The following PPIG variants were observed in gnomAD, a reference collection of about 807,000 sequenced individuals.
PPIG encodes the protein peptidylprolyl isomerase G.
In PPIG, 26 loss-of-function variants were observed where a neutral mutation model predicts 87.9. The ratio of observed to expected loss-of-function variants is 0.30; its 90% CI spans 0.22 to 0.41. PPIG has a LOEUF of 0.41. PPIG is among the 10% of genes least tolerant of loss of function. The probability of loss-of-function intolerance (pLI) is 1.00; values close to 1 mark genes in which losing one functional copy is unlikely to be tolerated. For synonymous variants in PPIG, 308 were observed against 276.5 expected (o/e 1.11, Z -1.13); for missense variants, 722 against 879.4 (o/e 0.82, Z 2.26).
intron 9 of PPIG, among the ~76,000 whole-genome samples, chr2:169,623,513 C>T (rs79836666): frequency 0.044 from 6,698 of 152,114 alleles, 212 homozygotes; most frequent in East Asian, 0.18. Context: ...GGCAACATGG[C>T]GGTAAGTAGT....
chr2:169,636,327 A>G, intron 13 of PPIG, 86 bp from the exon 14 acceptor site: 1 of 1,470,086 alleles, frequency 6.8e-7, no homozygotes, highest in East Asian at 2.3e-5. Context: ...TGAATACCTT[A>G]AGAAAAGTAG....
chr2:169,615,268 C>T (rs887451605), intron 9 of PPIG, among the ~76,000 whole-genome samples: 1 of 152,142 alleles, frequency 6.6e-6, no homozygotes, highest in African/African-American at 2.4e-5. Context: ...AGGCTGGTCT[C>T]GAACTCCTGA....
intron 7 of PPIG, among the ~76,000 whole-genome samples, chr2:169,613,689 A>C (rs1685546970): frequency 6.6e-6 from 1 of 152,152 alleles, no homozygotes; most frequent in Non-Finnish European, 1.5e-5. Flanking sequence ...AGCACTTTGA[A>C]AGGTCAAAGT....
chr2:169,587,056 C>T (rs1421842531), intron 1 of PPIG, among the ~76,000 whole-genome samples: 3 of 152,036 alleles, frequency 2.0e-5, no homozygotes, highest in African/African-American at 4.8e-5. Flanking sequence ...GCCTCAGCCT[C>T]CCTAGTAGCT....
At position 169,631,752 on chromosome 2, in the gene PPIG, T is replaced by C; in HGVS notation, c.762-14T>C. The stretch of plus-strand genomic sequence containing the variant: ...ACCAACTGTAACTTGTTTTGTGTGT[T>C]TCTGTCTGTTAAGTGCATCTAGTGA... On this transcript the variant is annotated splice_polypyrimidine_tract_variant and intron_variant, in intron 10 of 13. Transcript: ENST00000260970. 6.2e-7 allele frequency: 1 copy of C among 1,613,628 alleles called. No homozygotes were observed. The highest frequency in any genetic ancestry group is 8.5e-7 in the Non-Finnish European group (1 of 1,179,778).
In PPIG at chr2:169,639,798, T is replaced by C. The variant is rs1233560603; in HGVS notation, c.*2275T>C. On this transcript the variant is annotated 3_prime_UTR_variant, in exon 14 of 14. Transcript: ENST00000260970. ...ATAGCACACGGCTCAAATGGTCCTT[T>C]CCTTTTGTTACATTTAGTAGTTGTG... The C allele has an allele frequency of 6.6e-6, 1 of 152,138 alleles. No homozygotes were observed. Among genetic ancestry groups the C allele is most frequent in the African/African-American group, 2.4e-5 (1 of 41,440 alleles). 9.4% of individuals were successfully genotyped at this position (152,138 alleles called of 1,614,324 possible).
chr2:169,591,903 T>G (rs952254004), intron 1 of PPIG, among the ~76,000 whole-genome samples: 10 of 150,422 alleles, frequency 6.6e-5, no homozygotes, highest in Non-Finnish European at 1.3e-4. Context: ...TATTCTAGTA[T>G]TTTTAGGCAA....
intron 9 of PPIG, among the ~76,000 whole-genome samples, chr2:169,625,212 A>T (rs976755704): frequency 6.6e-6 from 1 of 152,196 alleles, no homozygotes; most frequent in Non-Finnish European, 1.5e-5. Flanking sequence ...CTTAACTGAA[A>T]CTTTGTACCC....
chr2:169,632,144 T>C (rs893962973), intron 11 of PPIG, among the ~76,000 whole-genome samples: 9 of 152,204 alleles, frequency 5.9e-5, no homozygotes, highest in African/African-American at 2.2e-4. Flanking sequence ...GAAGTAAAGT[T>C]ACACATAATA....
intron 9 of PPIG, 78 bp from the exon 10 acceptor site, chr2:169,630,696 A>C: frequency 1.1e-5 from 13 of 1,183,018 alleles, no homozygotes; most frequent in Non-Finnish European, 1.6e-5. Context: ...CTTAGTGAGA[A>C]TCTGCAGAAA....
chr2:169,584,569 A>G, intron 1 of PPIG, 79 bp downstream of exon 1: 1 of 456,182 alleles, frequency 2.2e-6, no homozygotes, highest in Non-Finnish European at 4.5e-6. Context: ...AGGGCCTGGG[A>G]AGAGGGGCGG....
At chr2:169,631,313 T>A (rs1341149858) in intron 10 of PPIG, 3 of 298,412 alleles carry the variant, frequency 1.0e-5, no homozygotes, top group Non-Finnish European at 1.8e-5. Context: ...TCAGTAGCAG[T>A]CCCCTTTGCT....
intron 1 of PPIG, among the ~76,000 whole-genome samples, chr2:169,590,128 C>CAAA (rs1429114020): frequency 1.2e-5 from 1 of 82,974 alleles, no homozygotes; most frequent in Non-Finnish European, 2.6e-5. Context: ...ACGACAACAA[C>CAAA]CAAAAAAAAA....
intron 11 of PPIG, among the ~76,000 whole-genome samples, chr2:169,632,676 C>T (rs955559406): frequency 6.6e-6 from 1 of 151,846 alleles, no homozygotes; most frequent in South Asian, 2.1e-4. Flanking sequence ...ACCTGGGAGG[C>T]GGAGCTTGCA....
intron 12 of PPIG, 25 bp downstream of exon 12, chr2:169,633,272 C>G (rs765237239): frequency 1.4e-6 from 2 of 1,466,978 alleles, no homozygotes; most frequent in Non-Finnish European, 1.9e-6. Flanking sequence ...CCCCAGAGAT[C>G]TTCACAATAT....
chr2:169,604,391 G>A lies in PPIG; in HGVS notation c.136+130G>A, dbSNP rs12052403. ...CTTGCAACGTTGTCCAACTGGACTA[G>A]AACTCCTGGGCTCATCAATCCTTAC... On this transcript the variant is annotated intron_variant, in intron 4 of 13. Coordinates refer to ENST00000260970, the MANE Select transcript of PPIG (RefSeq NM_004792.3). 2.6e-3 allele frequency: 1,894 copies of A among 733,526 alleles called. 37 individuals are homozygous for A. The African/African-American group carries it at 0.036, about 14-fold the overall frequency. The allele number at this position is 733,526 out of a possible 1,614,324, so 45.4% of individuals were successfully genotyped here.
intron 1 of PPIG, among the ~76,000 whole-genome samples, chr2:169,588,124 C>G (rs1684757519): frequency 6.8e-6 from 1 of 146,500 alleles, no homozygotes; most frequent in Non-Finnish European, 1.5e-5. Context: ...GAGATCACGC[C>G]ATTGCACTCC....
In PPIG at chr2:169,592,303, C is replaced by CTTTTTTTT. The variant is rs777690234; in HGVS notation, c.-70+7825_-70+7832dup. 8.2e-4 allele frequency among the ~76,000 whole-genome samples: 77 copies of CTTTTTTTT among 93,580 alleles called. 2 individuals are homozygous for CTTTTTTTT. Among genetic ancestry groups the CTTTTTTTT allele is most frequent in the African/African-American group, 1.8e-3 (41 of 23,084 alleles). 61.4% of individuals were successfully genotyped at this position (93,580 alleles called of 152,430 possible). ...GCATCTGGTTTCAGATGTCTTTTTT[C>CTTTTTTTT]TTTTTTTTTTTTTTTTTTTGAGATG... On this transcript the variant is annotated intron_variant, in intron 1 of 13. Coordinates refer to ENST00000260970, the MANE Select transcript of PPIG (RefSeq NM_004792.3).
intron 1 of PPIG, among the ~76,000 whole-genome samples, chr2:169,590,574 G>A (rs537549555): frequency 2.0e-5 from 3 of 151,656 alleles, no homozygotes; most frequent in South Asian, 2.1e-4. Context: ...CCCGGGAGGC[G>A]GAGCTTGCAG....
Sources: gnomAD v4.1 joint callset for allele counts (sites outside exome capture counted in the v4.1 genomes callset) on GRCh38, gnomAD v4.1.1 for gene constraint, MANE v1.5 for transcripts, NCBI Gene and HGNC (gene_info 2026-07-23, HGNC 2026-07-21) for gene names.